The following PTPRN2 variants were observed in gnomAD, a reference collection of about 807,000 sequenced individuals.
PTPRN2 encodes receptor-type tyrosine-protein phosphatase N2.
PTPRN2 carries 74 observed loss-of-function variants against 118.8 expected under a neutral mutation model. The ratio of observed to expected loss-of-function variants is 0.62; its 90% CI spans 0.52 to 0.76. The LOEUF is 0.76. Ranked by LOEUF, PTPRN2 falls within the 30% of genes least tolerant of loss-of-function variation. PTPRN2 has a pLI of 0.00. For synonymous variants in PTPRN2, 641 were observed against 608.0 expected, an observed-to-expected ratio of 1.05 and a Z score of -0.80; for missense variants, 1,481 against 1,394.4, an observed-to-expected ratio of 1.06 and a Z score of -0.99.
chr7:158,164,537 TAGGGAAGGCGCGCAC>T lies in PTPRN2; in HGVS notation c.910+2379_910+2393del, dbSNP rs1822750445. Among the ~76,000 whole-genome samples the T allele has an allele frequency of 5.0e-3, 14 of 2,784 alleles. No homozygotes were observed. The Admixed American group carries it at 0.052, about 10-fold the overall frequency. 1.8% of individuals were successfully genotyped at this position (2,784 alleles called of 152,430 possible). ...AGGGCTCAGAGCGGGAGCGCGCACG[TAGGGAAGGCGCGCAC>T]GTAGGGAAGGCACGCAGAGCAGGAA... On this transcript the variant is annotated intron_variant, in intron 6 of 22. Coordinates refer to ENST00000389418, the MANE Select transcript of PTPRN2 (RefSeq NM_002847.5).
chr7:157,691,079 C>CCT (rs1554524122), intron 12 of PTPRN2, among the ~76,000 whole-genome samples: 3 of 124,862 alleles, frequency 2.4e-5, no homozygotes, highest in African/African-American at 8.5e-5. Flanking sequence ...CCCCCCCCCC[C>CCT]CCACATGTTG....
At chr7:158,356,919 CTG>C (rs1808430473) in intron 2 of PTPRN2, among the ~76,000 whole-genome samples, 1 of 152,190 alleles carries the variant, frequency 6.6e-6, no homozygotes, top group African/African-American at 2.4e-5. Context: ...ATCATCGAAA[CTG>C]TGGCTGGGAA....
chr7:158,142,678 GA>G (rs1470146598), intron 6 of PTPRN2, among the ~76,000 whole-genome samples: 1 of 152,122 alleles, frequency 6.6e-6, no homozygotes, highest in African/African-American at 2.4e-5. Flanking sequence ...TTCACTGATG[GA>G]ATGCTACCTT....
chr7:158,211,037 T>C (rs1260418848), intron 3 of PTPRN2, among the ~76,000 whole-genome samples: 2 of 152,290 alleles, frequency 1.3e-5, no homozygotes, highest in East Asian at 3.9e-4. Flanking sequence ...TGAATATTGA[T>C]GCAAAAATCG....
chr7:157,770,130 T>A (rs1204223754), intron 12 of PTPRN2, among the ~76,000 whole-genome samples: 1 of 152,268 alleles, frequency 6.6e-6, no homozygotes, highest in African/African-American at 2.4e-5. Context: ...TCTAGAACAC[T>A]GCTCTGCAAT....
chr7:158,345,310 G>A (rs527707914), intron 2 of PTPRN2, among the ~76,000 whole-genome samples: 2 of 152,312 alleles, frequency 1.3e-5, no homozygotes, highest in Admixed American at 1.3e-4. Context: ...GTCTTACTTT[G>A]GGTTTTGTCT....
At chr7:157,659,299 C>T (rs1218209210) in intron 13 of PTPRN2, among the ~76,000 whole-genome samples, 2 of 97,142 alleles carry the variant, frequency 2.1e-5, no homozygotes, top group Admixed American at 1.3e-4. Flanking sequence ...AGGATGACTG[C>T]GGGGACGGGG....
In PTPRN2 at chr7:158,158,664, T is replaced by C. The variant is rs1399941100; in HGVS notation, c.910+8267A>G. On this transcript the variant is annotated intron_variant, in intron 6 of 22. Transcript: ENST00000389418. ...TGGCCGGGACTTCGCAAGTGCTTTCTGAATGAATGAGTGAACTCGGGAGAA... is the reference window on the plus strand; with the variant it reads ...TGGCCGGGACTTCGCAAGTGCTTTCCGAATGAATGAGTGAACTCGGGAGAA... Among the ~76,000 whole-genome samples the C allele has an allele frequency of 3.0e-5, 4 of 132,206 alleles. No individual in the cohort carries two copies. The East Asian group carries it at 9.2e-4, about 31-fold the overall frequency. The allele number at this position is 132,206 out of a possible 152,430, so 86.7% of individuals were successfully genotyped here. A position where few individuals can be genotyped will look rare whatever the true frequency, so the allele number is the denominator to read the frequency against.
In PTPRN2 at chr7:157,881,099, G is replaced by A. The variant is rs1390262580; in HGVS notation, c.1788+17574C>T. On this transcript the variant is annotated intron_variant, in intron 12 of 22. Transcript: ENST00000389418. The surrounding 1 kb of genome is among the most constrained non-coding windows in gnomAD (Gnocchi z 4.7). Reference sequence around the variant, plus strand: ...GGTCATGAGGATATGTGGAGATGGGGGTGTTTACAGTAGTCATTATGATAA... The same window carrying A: ...GGTCATGAGGATATGTGGAGATGGGAGTGTTTACAGTAGTCATTATGATAA... 6.6e-6 allele frequency among the ~76,000 whole-genome samples: 1 copy of A among 152,096 alleles called. No homozygotes were observed. Among genetic ancestry groups the A allele is most frequent in the African/African-American group, 2.4e-5 (1 of 41,422 alleles).
At chr7:158,549,289 G>A (rs11983688) in intron 1 of PTPRN2, among the ~76,000 whole-genome samples, 1,990 of 152,228 alleles carry the variant, frequency 0.013, 43 homozygotes, top group African/African-American at 0.045. Context: ...CCATCCACTC[G>A]GCAGGGGACA....
At chr7:158,378,730 G>A (rs778373085) in intron 2 of PTPRN2, among the ~76,000 whole-genome samples, 27 of 151,778 alleles carry the variant, frequency 1.8e-4, no homozygotes, top group Admixed American at 3.3e-4. Flanking sequence ...TTGCTTTCTG[G>A]TTATAGGCTC....
intron 11 of PTPRN2, among the ~76,000 whole-genome samples, chr7:157,965,245 A>G (rs1436854505): frequency 6.6e-6 from 1 of 152,214 alleles, no homozygotes; most frequent in Non-Finnish European, 1.5e-5. Flanking sequence ...TTTCAAGACG[A>G]ACCCTTTTTC....
At chr7:158,581,209 C>T (rs868302600) in intron 1 of PTPRN2, among the ~76,000 whole-genome samples, 18 of 152,308 alleles carry the variant, frequency 1.2e-4, no homozygotes, top group Middle Eastern at 3.4e-3. Context: ...ACCTAGGACC[C>T]CATCCCAGGA....
chr7:158,025,605 T>TGGG (rs2128878821), intron 11 of PTPRN2, among the ~76,000 whole-genome samples: 1 of 152,350 alleles, frequency 6.6e-6, no homozygotes, highest in South Asian at 2.1e-4. Context: ...CACACACATA[T>TGGG]GTGACCACCT....
chr7:157,791,230 T>C (rs1804470716), intron 12 of PTPRN2, among the ~76,000 whole-genome samples: 1 of 152,210 alleles, frequency 6.6e-6, no homozygotes, highest in African/African-American at 2.4e-5. Context: ...GATACGTCCA[T>C]TTGCTGTGAT....
chr7:158,262,369 GCA>G (rs1412503078), intron 3 of PTPRN2, among the ~76,000 whole-genome samples: 1 of 110,610 alleles, frequency 9.0e-6, no homozygotes, highest in Non-Finnish European at 1.8e-5. Flanking sequence ...AACATTCACT[GCA>G]CACACATACA....
At position 157,621,391 on chromosome 7, in the gene PTPRN2, G is replaced by C. The variant is rs370946412; in HGVS notation, c.2315C>G (p.Pro772Arg). 1 of 1,580,938 alleles carries C rather than the reference G, an allele frequency of 6.3e-7. No homozygotes were observed. The highest frequency in any genetic ancestry group is 1.5e-5 in the African/African-American group (1 of 67,094). The stretch of plus-strand genomic sequence containing the variant: ...CAGCACGGCCAGGGAGCGGTTCTTG[G>C]GCACGTTCTCCTCCCTCTGGGCCAC... ...SFVAQREENV[P>R]KNRSLAVLTY... The change falls in exon 15 of 23, where the codon CCC becomes CGC. Residue 772 changes from proline (P) to arginine (R), a missense_variant. Coordinates refer to ENST00000389418, the MANE Select transcript of PTPRN2 (RefSeq NM_002847.5).
chr7:158,324,045 A>ACG (rs1803264453), intron 2 of PTPRN2, among the ~76,000 whole-genome samples: 3 of 89,658 alleles, frequency 3.3e-5, no homozygotes, highest in African/African-American at 1.3e-4. Context: ...ACGTACACAC[A>ACG]CATTTGCAAA....
chr7:157,709,753 G>A (rs931256250), intron 12 of PTPRN2, among the ~76,000 whole-genome samples: 23 of 152,324 alleles, frequency 1.5e-4, no homozygotes, highest in Admixed American at 1.5e-3. Flanking sequence ...AAGTCCCAGA[G>A]CACTCAGCCC....
Sources: allele counts gnomAD v4.1 joint callset (sites outside exome capture counted in the v4.1 genomes callset), GRCh38; gene constraint gnomAD v4.1.1; non-coding constraint Gnocchi (gnomAD v3.1); transcripts MANE v1.5; gene names NCBI Gene and HGNC (gene_info 2026-07-23, HGNC 2026-07-21).